PACSIN2: variants seen among roughly 807,000 people sequenced by gnomAD.
The protein encoded by PACSIN2 is protein kinase C and casein kinase substrate in neurons 2.
In PACSIN2, 25 loss-of-function variants were observed where a neutral mutation model predicts 63.8. The ratio of observed to expected loss-of-function variants is 0.39; its 90% CI spans 0.29 to 0.55. PACSIN2 has a LOEUF of 0.55. Ranked by LOEUF, PACSIN2 falls within the 20% of genes least tolerant of loss-of-function variation. The pLI is 0.62. For synonymous variants in PACSIN2, 255 were observed against 256.2 expected, an observed-to-expected ratio of 1.00 and a Z score of 0.05; for missense variants, 518 against 646.9, an observed-to-expected ratio of 0.80 and a Z score of 2.16.
intron 1 of PACSIN2, among the ~76,000 whole-genome samples, chr22:42,994,424 G>A (rs930974345): frequency 6.6e-6 from 1 of 152,124 alleles, no homozygotes; most frequent in Admixed American, 6.5e-5. Flanking sequence ...GCGCCACAAA[G>A]ACCCTCGGGC....
At chr22:42,950,769 T>C (rs1933654874) in intron 1 of PACSIN2, among the ~76,000 whole-genome samples, 1 of 152,206 alleles carries the variant, frequency 6.6e-6, no homozygotes, top group Non-Finnish European at 1.5e-5. Context: ...ATGTGAATTC[T>C]TCCATTCAAT....
intron 1 of PACSIN2, among the ~76,000 whole-genome samples, chr22:42,919,045 A>G (rs1438723646): frequency 6.6e-6 from 1 of 152,210 alleles, no homozygotes; most frequent in Admixed American, 6.5e-5. Context: ...ATACCTGTGC[A>G]CACGTATGGG....
intron 1 of PACSIN2, among the ~76,000 whole-genome samples, chr22:43,006,670 C>A (rs1227368346): frequency 1.3e-5 from 2 of 152,150 alleles, no homozygotes; most frequent in Non-Finnish European, 2.9e-5. Flanking sequence ...CAAAAATTAG[C>A]CCGGCATGAT....
chr22:43,010,387 T>TAC (rs1924387407), intron 1 of PACSIN2, among the ~76,000 whole-genome samples: 4 of 82,118 alleles, frequency 4.9e-5, no homozygotes, highest in East Asian at 5.7e-4. Flanking sequence ...TAAAAATACA[T>TAC]ATATATATAT....
At chr22:42,996,901 A>G (rs1450187740) in intron 1 of PACSIN2, among the ~76,000 whole-genome samples, 1 of 152,246 alleles carries the variant, frequency 6.6e-6, no homozygotes, top group Non-Finnish European at 1.5e-5. Flanking sequence ...TTGTCATGAG[A>G]ATAAGTGTAA....
chr22:42,951,381 A>G (rs1933684847), intron 1 of PACSIN2, among the ~76,000 whole-genome samples: 1 of 151,954 alleles, frequency 6.6e-6, no homozygotes, highest in South Asian at 2.1e-4. Flanking sequence ...TGTGCACACT[A>G]GTTTCCTGGG....
chr22:42,965,859 A>T (rs998519777), intron 1 of PACSIN2, among the ~76,000 whole-genome samples: 1 of 152,232 alleles, frequency 6.6e-6, no homozygotes, highest in Non-Finnish European at 1.5e-5. Flanking sequence ...TTAAGGCATT[A>T]GTTTCTCTCT....
At chr22:42,920,792 ACTTT>A (rs1243887070) in intron 1 of PACSIN2, among the ~76,000 whole-genome samples, 2 of 116,024 alleles carry the variant, frequency 1.7e-5, no homozygotes, top group Non-Finnish European at 3.4e-5. Flanking sequence ...GAATTATCAC[ACTTT>A]TTTTTTTTTT....
At chr22:42,974,813 GAGAA>G (rs1857596811) in intron 1 of PACSIN2, among the ~76,000 whole-genome samples, 2 of 150,806 alleles carry the variant, frequency 1.3e-5, no homozygotes, top group Non-Finnish European at 3.0e-5. Flanking sequence ...AGGAAGAAAA[GAGAA>G]AGAAGAAGAA....
chr22:42,931,499 T>C (rs543606062), intron 1 of PACSIN2, among the ~76,000 whole-genome samples: 3 of 151,996 alleles, frequency 2.0e-5, no homozygotes, highest in Admixed American at 2.0e-4. Context: ...CCTTAGGTGA[T>C]GGGAAGGTAG....
chr22:42,977,049 C>T (rs1479199498), intron 1 of PACSIN2, among the ~76,000 whole-genome samples: 2 of 152,032 alleles, frequency 1.3e-5, no homozygotes. Flanking sequence ...ATTTAGAAAC[C>T]TACTTTAAAA....
At chr22:42,878,110 G>A (rs899624608) in intron 8 of PACSIN2, among the ~76,000 whole-genome samples, 4 of 152,148 alleles carry the variant, frequency 2.6e-5, no homozygotes, top group Admixed American at 6.5e-5. Context: ...GTTGTGAGAC[G>A]GCACTGGTGG....
intron 1 of PACSIN2, among the ~76,000 whole-genome samples, chr22:43,014,400 G>A (rs1569383763): frequency 9.3e-6 from 1 of 107,200 alleles, no homozygotes; most frequent in South Asian, 3.3e-4. Context: ...AGGGTGGGAA[G>A]GAAGGAAATG....
intron 7 of PACSIN2, among the ~76,000 whole-genome samples, chr22:42,881,340 G>A (rs775474394): frequency 1.3e-5 from 2 of 152,136 alleles, no homozygotes; most frequent in African/African-American, 2.4e-5. Flanking sequence ...CATTCCACAC[G>A]TGGGAAAACT....
intron 1 of PACSIN2, among the ~76,000 whole-genome samples, chr22:42,979,048 T>C (rs1921890833): frequency 6.6e-6 from 1 of 152,040 alleles, no homozygotes. Context: ...TGTTGACCAA[T>C]CCCCCTGCAG....
At chr22:42,935,100 TA>T (rs1449436614) in intron 1 of PACSIN2, among the ~76,000 whole-genome samples, 18 of 136,672 alleles carry the variant, frequency 1.3e-4, no homozygotes, top group African/African-American at 5.4e-4. Context: ...TTTTTTTTTT[TA>T]TTTTCAGTAG....
intron 10 of PACSIN2, among the ~76,000 whole-genome samples, chr22:42,875,800 G>A (rs1928569401): frequency 2.0e-5 from 1 of 50,072 alleles, no homozygotes; most frequent in Non-Finnish European, 5.5e-5. Context: ...CCTCCCAAAG[G>A]TGCTGGGATT....
intron 7 of PACSIN2, chr22:42,880,601 G>C (rs543139986): frequency 6.6e-6 from 1 of 152,186 alleles, no homozygotes; most frequent in Non-Finnish European, 1.5e-5. Flanking sequence ...TGAGGTAGCC[G>C]AACGCAGACA....
intron 1 of PACSIN2, among the ~76,000 whole-genome samples, chr22:42,943,015 C>T (rs968898199): frequency 1.3e-5 from 2 of 152,176 alleles, no homozygotes; most frequent in African/African-American, 4.8e-5. Context: ...TGAAGTCTTC[C>T]AGTCCATGGA....
Sources: allele counts gnomAD v4.1 joint callset (sites outside exome capture counted in the v4.1 genomes callset), GRCh38; gene constraint gnomAD v4.1.1; transcripts MANE v1.5; gene names NCBI Gene and HGNC (gene_info 2026-07-23, HGNC 2026-07-21).